The following NCOA1 variants were observed in gnomAD, a reference collection of about 807,000 sequenced individuals.
NCOA1 encodes Hin-2 protein.
In NCOA1, 35 loss-of-function variants were observed where a neutral mutation model predicts 150.9. The ratio of observed to expected loss-of-function variants is 0.23; its 90% CI spans 0.18 to 0.31. The LOEUF (loss-of-function observed/expected upper bound fraction) is 0.31. Among genes scored for constraint, NCOA1 ranks in the 10% least tolerant of loss-of-function variants. The pLI, the probability that NCOA1 is intolerant of heterozygous loss-of-function variation, is 1.00. For synonymous variants in NCOA1, 590 were observed against 630.0 expected, an observed-to-expected ratio of 0.94 and a Z score of 0.95; for missense variants, 1,491 against 1,749.3, an observed-to-expected ratio of 0.85 and a Z score of 2.63.
At chr2:24,705,563 T>G (rs1673380565) in intron 12 of NCOA1, among the ~76,000 whole-genome samples, 1 of 152,140 alleles carries the variant, frequency 6.6e-6, no homozygotes, top group Non-Finnish European at 1.5e-5. Flanking sequence ...TATTTTTATT[T>G]TTATTTTTGA....
intron 1 of NCOA1, among the ~76,000 whole-genome samples, chr2:24,521,189 A>G (rs1664403088): frequency 6.6e-6 from 1 of 152,160 alleles, no homozygotes; most frequent in African/African-American, 2.4e-5. Context: ...TTTGATATAT[A>G]TATGTGTTGT....
chr2:24,516,144 T>C (rs1664149374), intron 1 of NCOA1, among the ~76,000 whole-genome samples: 1 of 151,088 alleles, frequency 6.6e-6, no homozygotes, highest in Non-Finnish European at 1.5e-5. Context: ...CCCTGACCTA[T>C]GAAATAATTT....
intron 20 of NCOA1, among the ~76,000 whole-genome samples, chr2:24,754,814 T>C (rs1214712384): frequency 1.3e-5 from 2 of 152,250 alleles, no homozygotes; most frequent in Admixed American, 6.5e-5. Context: ...AGGCCCTTCA[T>C]ATACATCTAT....
At chr2:24,516,934 A>ATATATACG (rs1558758341) in intron 1 of NCOA1, among the ~76,000 whole-genome samples, 4 of 49,420 alleles carry the variant, frequency 8.1e-5, no homozygotes, top group African/African-American at 1.7e-4. Context: ...GCGCGTGTGT[A>ATATATACG]TATATATACG....
chr2:24,766,714 C>CTGGCA (rs1258805533), intron 22 of NCOA1, among the ~76,000 whole-genome samples: 1 of 138,432 alleles, frequency 7.2e-6, no homozygotes, highest in African/African-American at 2.8e-5. Flanking sequence ...GGGAAGAGGG[C>CTGGCA]TGGCAGGAGG....
intron 1 of NCOA1, among the ~76,000 whole-genome samples, chr2:24,505,513 A>G (rs1663656777): frequency 6.6e-6 from 1 of 152,230 alleles, no homozygotes. Flanking sequence ...AATGAACCAT[A>G]TAAAATACAT....
chr2:24,557,656 G>C (rs1666127167), intron 1 of NCOA1, among the ~76,000 whole-genome samples: 1 of 151,858 alleles, frequency 6.6e-6, no homozygotes, highest in African/African-American at 2.4e-5. Flanking sequence ...AATTATCTCA[G>C]GTATTATTAG....
At chr2:24,686,549 A>G (rs1045119954) in intron 8 of NCOA1, among the ~76,000 whole-genome samples, 1 of 152,224 alleles carries the variant, frequency 6.6e-6, no homozygotes, top group African/African-American at 2.4e-5. Context: ...GAATTTTGTC[A>G]GAAGCTTTGT....
At chr2:24,706,522 A>G (rs1160107743) in intron 12 of NCOA1, 46 bp from the exon 13 acceptor site, 1 of 1,519,214 alleles carries the variant, frequency 6.6e-7, no homozygotes, top group Non-Finnish European at 8.8e-7. Flanking sequence ...ATATTTTAAT[A>G]GAAACAAATG....
chr2:24,545,823 C>T lies in NCOA1; in HGVS notation c.-395-18472C>T, dbSNP rs537199067. The stretch of plus-strand genomic sequence containing the variant: ...TACTTATTTTTTTGAGTCGGAGTCT[C>T]GCTCTCTTGCCCAGGTTGGAGTGCA... On this transcript the variant is annotated intron_variant, in intron 1 of 22. Transcript: ENST00000348332. Among the ~76,000 whole-genome samples the T allele has an allele frequency of 6.6e-5, 10 of 152,286 alleles. No homozygotes were observed. In the East Asian group the frequency reaches 9.6e-4, roughly 15 times the overall value.
chr2:24,663,957 G>T (rs1671298775), intron 5 of NCOA1, among the ~76,000 whole-genome samples: 1 of 152,180 alleles, frequency 6.6e-6, no homozygotes, highest in Admixed American at 6.5e-5. Context: ...AGAGAGTCCA[G>T]TTTACTCGTG....
At chr2:24,761,698 T>C (rs150214453) in intron 21 of NCOA1, among the ~76,000 whole-genome samples, 56 of 152,364 alleles carry the variant, frequency 3.7e-4, no homozygotes, top group African/African-American at 1.3e-3. Flanking sequence ...AATTTTACCT[T>C]GTTTATATTC....
chr2:24,700,143 CTAATAATAA>C lies in NCOA1; in HGVS notation c.949+2375_949+2383del, dbSNP rs60674114. ...GGGCAACAAGAGCGAAACTTCATCG[CTAATAATAA>C]TAATAATAATAATAATAATAATAAT... is the stretch of plus-strand genomic sequence containing the variant. On this transcript the variant is annotated intron_variant, in intron 11 of 22. Transcript: ENST00000348332. 1.4e-3 allele frequency among the ~76,000 whole-genome samples: 197 copies of C among 143,084 alleles called. 1 individual carries two copies. The highest frequency in any genetic ancestry group is 3.4e-3 in the East Asian group (17 of 4,960). 93.9% of individuals were successfully genotyped at this position (143,084 alleles called of 152,430 possible). A position where few individuals can be genotyped will look rare whatever the true frequency, so the allele number is the denominator to read the frequency against.
chr2:24,626,374 T>C (rs1669409682), intron 3 of NCOA1, among the ~76,000 whole-genome samples: 1 of 152,178 alleles, frequency 6.6e-6, no homozygotes, highest in African/African-American at 2.4e-5. Flanking sequence ...GCTTCAGACT[T>C]GGATTGCTAA....
chr2:24,760,171 G>A (rs1664710999), intron 21 of NCOA1, among the ~76,000 whole-genome samples: 2 of 134,148 alleles, frequency 1.5e-5, no homozygotes, highest in African/African-American at 2.8e-5. Context: ...ATGGAGTCTC[G>A]CCCTTTAGCC....
chr2:24,729,865 G>T, intron 17 of NCOA1, 50 bp downstream of exon 17: 1 of 1,417,202 alleles, frequency 7.1e-7, no homozygotes, highest in Non-Finnish European at 9.2e-7. Context: ...TTGAGACGAA[G>T]TCTCACCTGT....
At chr2:24,663,879 A>G (rs189033639) in intron 5 of NCOA1, among the ~76,000 whole-genome samples, 100 of 152,132 alleles carry the variant, frequency 6.6e-4, no homozygotes, top group Admixed American at 1.6e-3. Flanking sequence ...CTTTTCCTCT[A>G]TACTGTCTTC....
chr2:24,541,235 TTTGAGAGCTACG>T (rs1252850137), intron 1 of NCOA1, among the ~76,000 whole-genome samples: 1 of 152,036 alleles, frequency 6.6e-6, no homozygotes, highest in Non-Finnish European at 1.5e-5. Context: ...ACCACTACTG[TTTGAGAGCTACG>T]TTGAAGAAGG....
rs553025350 is a variant in NCOA1, at chr2:24,567,554, G to A, written c.-260+3124G>A. Among the ~76,000 whole-genome samples, 28 of 152,308 alleles carry A rather than the reference G, an allele frequency of 1.8e-4. No individual in the cohort carries two copies. The South Asian group carries it at 2.7e-3, about 15-fold the overall frequency. On this transcript the variant is annotated intron_variant, in intron 2 of 22. Coordinates refer to ENST00000348332, the MANE Select transcript of NCOA1 (RefSeq NM_003743.5). The stretch of plus-strand genomic sequence containing the variant: ...ACCCATCTGAAGCCATTTATGTGCA[G>A]TCATAGACTGTGTACATCAAGTCAA...
Sources: allele counts gnomAD v4.1 joint callset (sites outside exome capture counted in the v4.1 genomes callset), GRCh38; gene constraint gnomAD v4.1.1; transcripts MANE v1.5; gene names NCBI Gene and HGNC (gene_info 2026-07-23, HGNC 2026-07-21).